RAD50: variants seen among roughly 807,000 people sequenced by gnomAD.
RAD50 encodes the protein DNA repair protein RAD50.
In RAD50, 132 loss-of-function variants were observed where a neutral mutation model predicts 168.8. That is an observed-to-expected ratio of 0.78 (90% confidence interval 0.68 to 0.90). The LOEUF is 0.90. Ranked by LOEUF, RAD50 falls within the 40% of genes least tolerant of loss-of-function variation. The pLI, the probability that RAD50 is intolerant of heterozygous loss-of-function variation, is 0.00. For missense variants in RAD50, 1,347 were observed against 1,534.4 expected (o/e 0.88, Z 2.04); for synonymous variants, 525 against 497.4 (o/e 1.06, Z -0.74).
In RAD50 at chr5:132,643,720, T is replaced by TG. The variant is rs1303523841; in HGVS notation, c.*1360dup. On this transcript the variant is annotated 3_prime_UTR_variant, in exon 25 of 25. Coordinates refer to ENST00000378823, the MANE Select transcript of RAD50 (RefSeq NM_005732.4). ...AGACAGAGTATCCTGGGGGTGGTGG[T>TG]GGGGTGGGGGGGGGTCCTAAATGTA... is the stretch of plus-strand genomic sequence containing the variant. 2.7e-5 allele frequency: 2 copies of TG among 75,144 alleles called. No homozygotes were observed. The highest frequency in any genetic ancestry group is 5.7e-5 in the African/African-American group (1 of 17,452). 4.7% of individuals were successfully genotyped at this position (75,144 alleles called of 1,614,324 possible).
At chr5:132,627,392 C>T (rs1443980664) in intron 21 of RAD50, among the ~76,000 whole-genome samples, 1 of 151,806 alleles carries the variant, frequency 6.6e-6, no homozygotes, top group Non-Finnish European at 1.5e-5. Context: ...GATGAAGAAA[C>T]AAAATTAAGA....
chr5:132,581,889 C>A (rs557741563), intron 5 of RAD50, among the ~76,000 whole-genome samples: 1 of 152,136 alleles, frequency 6.6e-6, no homozygotes, highest in African/African-American at 2.4e-5. Flanking sequence ...TTCCCCCTTG[C>A]CCCACTCCAC....
rs1417493313 is a variant in RAD50 at position 132,640,760 on chromosome 5, A to G, written c.3707A>G (p.Asn1236Ser). ...GIIALDEPTT[N>S]LDRENIESLA... The stretch of plus-strand genomic sequence containing the variant: ...ATTGCCTTGGATGAGCCAACAACAA[A>G]TCTTGACCGAGAAAACATTGAATCT... The change falls in exon 24 of 25, where the codon AAT (asparagine) becomes AGT (serine). Residue 1236 changes from asparagine (N) to serine (S), a missense_variant. Physicochemically the swap from Asn to Ser is conservative, Grantham distance 46. Coordinates refer to ENST00000378823, the MANE Select transcript of RAD50 (RefSeq NM_005732.4). The G allele has an allele frequency of 3.1e-6, 5 of 1,614,068 alleles. No individual in the cohort carries two copies. In the Admixed American group the frequency reaches 5.0e-5, roughly 16 times the overall value.
intron 16 of RAD50, among the ~76,000 whole-genome samples, chr5:132,607,334 C>T (rs1046109128): frequency 6.6e-6 from 1 of 152,104 alleles, no homozygotes; most frequent in African/African-American, 2.4e-5. Context: ...CATTTGATTC[C>T]GGATGTGGTT....
At chr5:132,601,818 T>A (rs1459463025) in intron 13 of RAD50, among the ~76,000 whole-genome samples, 2 of 152,136 alleles carry the variant, frequency 1.3e-5, no homozygotes, top group African/African-American at 4.8e-5. Context: ...TGAGTTCATG[T>A]CCCTTGCAGG....
intron 13 of RAD50, among the ~76,000 whole-genome samples, chr5:132,598,199 C>T (rs970163216): frequency 1.3e-5 from 2 of 152,106 alleles, no homozygotes; most frequent in Admixed American, 1.3e-4. Flanking sequence ...AGGCGCACGT[C>T]ACCAGGCTCG....
intron 5 of RAD50, 140 bp from the exon 6 acceptor site, chr5:132,587,422 C>T: frequency 1.6e-6 from 2 of 1,279,322 alleles, no homozygotes; most frequent in South Asian, 3.1e-5. Flanking sequence ...TTTCTCTAGG[C>T]CTGCTCTACA....
At chr5:132,580,197 A>G (rs1750482004) in intron 5 of RAD50, 131 bp downstream of exon 5, 2 of 731,726 alleles carry the variant, frequency 2.7e-6, no homozygotes, top group Admixed American at 2.7e-5. Flanking sequence ...CAATTTTTTT[A>G]TGGTGAGAAC....
intron 1 of RAD50, 130 bp downstream of exon 1, chr5:132,557,583 C>T (rs1033627336): frequency 4.4e-6 from 6 of 1,373,818 alleles, no homozygotes; most frequent in Non-Finnish European, 5.1e-6. Flanking sequence ...CTTAAAGTGC[C>T]TTAGGGTGTG....
In RAD50 at chr5:132,609,279, G is replaced by T; in HGVS notation, c.2923-4G>T. 2 of 1,607,836 alleles carry T rather than the reference G, an allele frequency of 1.2e-6. No individual in the cohort carries two copies. The highest frequency in any genetic ancestry group is 1.7e-6 in the Non-Finnish European group (2 of 1,178,686). ...ATGTGCTTAAAGAATTTTCTTTTTT[G>T]TAGCAAAAAGAAACTGAACTTAATA... On this transcript the variant is annotated splice_region_variant and splice_polypyrimidine_tract_variant and intron_variant, in intron 18 of 24. Transcript: ENST00000378823.
Position 132,557,379 on chromosome 5 carries a change from G to T in RAD50, c.55G>T (p.Asp19Tyr), listed in dbSNP as rs770566177. ...GGGCGTGCGGAGTTTTGGAATAGAG[G>T]ACAAAGATAAGCAAATTATCACTTT... The part of the protein sequence containing the change: ...ILGVRSFGIE[D>Y]KDKQIITFFS... The change falls in exon 1 of 25, where the codon GAC becomes TAC. Residue 19 changes from aspartate to tyrosine, a missense_variant. Physicochemically the swap from Asp to Tyr is radical, Grantham distance 160. Coordinates refer to ENST00000378823, the MANE Select transcript of RAD50 (RefSeq NM_005732.4). 3.7e-6 allele frequency: 6 copies of T among 1,614,122 alleles called. No homozygotes were observed. Among genetic ancestry groups the T allele is most frequent in the Non-Finnish European group, 5.1e-6 (6 of 1,179,930 alleles).
intron 19 of RAD50, among the ~76,000 whole-genome samples, chr5:132,610,409 TAAAG>T (rs1362754728): frequency 6.6e-6 from 1 of 152,166 alleles, no homozygotes; most frequent in African/African-American, 2.4e-5. Flanking sequence ...TTTTCTCTAT[TAAAG>T]AAATTAATTT....
In RAD50 at chr5:132,645,463, G is replaced by C. The variant is rs1445102174; in HGVS notation, c.*3099G>C. ...TTTCCCTGGCCCCTCAATGTCACAG[G>C]TTTTAGTACTCAGAGTCTGCACCTC... On this transcript the variant is annotated 3_prime_UTR_variant, in exon 25 of 25. Transcript: ENST00000378823. The C allele has an allele frequency of 6.6e-6, 1 of 152,308 alleles. No individual in the cohort carries two copies. Among genetic ancestry groups the C allele is most frequent in the Non-Finnish European group, 1.5e-5 (1 of 68,122 alleles). The allele number at this position is 152,308 out of a possible 1,614,324, so 9.4% of individuals were successfully genotyped here. A position where few individuals can be genotyped will look rare whatever the true frequency, so the allele number is the denominator to read the frequency against.
intron 13 of RAD50, among the ~76,000 whole-genome samples, chr5:132,597,826 T>C (rs900267867): frequency 8.5e-5 from 13 of 152,104 alleles, no homozygotes; most frequent in Non-Finnish European, 1.8e-4. Flanking sequence ...AACCAGATTA[T>C]TGGGGCCACA....
chr5:132,605,322 C>T (rs1216072419), intron 16 of RAD50, among the ~76,000 whole-genome samples: 3 of 152,028 alleles, frequency 2.0e-5, no homozygotes, highest in Admixed American at 6.6e-5. Flanking sequence ...GGATTACAGG[C>T]GTGAGCCAGC....
intron 7 of RAD50, 49 bp from the exon 8 acceptor site, chr5:132,588,638 T>G (rs1307376972): frequency 7.1e-6 from 11 of 1,543,654 alleles, no homozygotes; most frequent in Non-Finnish European, 9.8e-6. Context: ...CTATCTCAAC[T>G]TTTTAAGCAC....
chr5:132,635,211 G>T (rs1215005786), intron 21 of RAD50, among the ~76,000 whole-genome samples: 1 of 152,160 alleles, frequency 6.6e-6, no homozygotes, highest in Non-Finnish European at 1.5e-5. Context: ...TCTTAGTTTT[G>T]TTAATGGTAA....
intron 10 of RAD50, 46 bp downstream of exon 10, chr5:132,591,452 A>G: frequency 6.4e-7 from 1 of 1,556,606 alleles, no homozygotes; most frequent in Non-Finnish European, 8.8e-7. Context: ...GGTACTTAAA[A>G]TAGCCTACCT....
intron 2 of RAD50, among the ~76,000 whole-genome samples, chr5:132,567,042 A>C (rs1452720812): frequency 1.3e-5 from 2 of 152,256 alleles, no homozygotes; most frequent in Admixed American, 6.5e-5. Context: ...AAGGAAAAAA[A>C]GTCTGTCAGT....
Sources: allele counts gnomAD v4.1 joint callset (sites outside exome capture counted in the v4.1 genomes callset), GRCh38; gene constraint gnomAD v4.1.1; transcripts MANE v1.5; gene names NCBI Gene and HGNC (gene_info 2026-07-23, HGNC 2026-07-21).